The following DCAF8 variants were observed in gnomAD, a reference collection of about 807,000 sequenced individuals.
DCAF8 encodes DDB1 and CUL4 associated factor 8.
Under a neutral mutation model 68.0 loss-of-function variants are expected in DCAF8, and 20 were observed. That is an observed-to-expected ratio of 0.29 (90% CI 0.21 to 0.43). The LOEUF is 0.43. Ranked by LOEUF, DCAF8 falls within the 20% of genes least tolerant of loss-of-function variation. The pLI, the probability that DCAF8 is intolerant of heterozygous loss-of-function variation, is 1.00. For missense variants in DCAF8, 460 were observed against 771.0 expected (o/e 0.60, Z 4.78); for synonymous variants, 230 against 276.9 (o/e 0.83, Z 1.68).
At chr1:160,262,119 G>A (rs1657119973) in intron 1 of DCAF8, 4 of 386,108 alleles carry the variant, frequency 1.0e-5, no homozygotes, top group Non-Finnish European at 1.4e-5. Flanking sequence ...GGGCTGACCT[G>A]AGGAAAGGGC....
intron 6 of DCAF8, among the ~76,000 whole-genome samples, chr1:160,232,935 G>A (rs1417157555): frequency 2.0e-5 from 3 of 152,202 alleles, no homozygotes; most frequent in African/African-American, 2.4e-5. Context: ...TCCAGGTTAA[G>A]GGTGGCATGA....
chr1:160,231,253 C>T, intron 7 of DCAF8, 44 bp downstream of exon 7: 1 of 1,328,362 alleles, frequency 7.5e-7, no homozygotes, highest in African/African-American at 1.4e-5. Context: ...TACAATGCAT[C>T]AGTCTTACAA....
rs1007831148 is a variant in DCAF8, at chr1:160,225,452, G to A, written c.1143+139C>T. 7.5e-6 allele frequency: 5 copies of A among 666,166 alleles called. No homozygotes were observed. The African/African-American group carries it at 9.1e-5, about 12-fold the overall frequency. The allele number at this position is 666,166 out of a possible 1,614,324, so 41.3% of individuals were successfully genotyped here. A position where few individuals can be genotyped will look rare whatever the true frequency, so the allele number is the denominator to read the frequency against. ...AAGTGACTGCCAAGATCACAAAGCT[G>A]GTAAGTGGTAAAGCCAGGATTCAAA... On this transcript the variant is annotated intron_variant, in intron 8 of 13. Transcript: ENST00000368074.
intron 2 of DCAF8, among the ~76,000 whole-genome samples, chr1:160,257,952 C>T (rs1656904081): frequency 1.3e-5 from 2 of 152,142 alleles, no homozygotes; most frequent in Admixed American, 6.5e-5. Flanking sequence ...TGGACTTGAA[C>T]AACTAGGATC....
intron 2 of DCAF8, among the ~76,000 whole-genome samples, chr1:160,259,546 A>ACAAACAAT (rs1192336236): frequency 2.0e-5 from 3 of 151,022 alleles, no homozygotes; most frequent in African/African-American, 7.3e-5. Flanking sequence ...AAACAAACAA[A>ACAAACAAT]CAAAAAAAAC....
intron 3 of DCAF8, among the ~76,000 whole-genome samples, chr1:160,242,377 A>G (rs969393102): frequency 6.6e-6 from 1 of 152,212 alleles, no homozygotes; most frequent in Non-Finnish European, 1.5e-5. Context: ...ATATGCTACG[A>G]AAGTTTAGCA....
intron 8 of DCAF8, 61 bp from the exon 9 acceptor site, chr1:160,225,180 G>A (rs918216091): frequency 7.9e-6 from 12 of 1,526,912 alleles, no homozygotes; most frequent in Admixed American, 1.8e-5. Context: ...ACCATCTTCA[G>A]GAAACAGCTT....
At chr1:160,262,241 G>T (rs938029660) in intron 1 of DCAF8, 28 of 398,330 alleles carry the variant, frequency 7.0e-5, no homozygotes, top group Non-Finnish European at 9.7e-5. Flanking sequence ...GGGAAGCGAG[G>T]GGGGGCGCAG....
Position 160,239,700 on chromosome 1 carries a change from G to C in DCAF8, c.720C>G (p.Phe240Leu). The C allele has an allele frequency of 6.2e-7, 1 of 1,614,166 alleles. No individual in the cohort carries two copies. Among genetic ancestry groups the C allele is most frequent in the South Asian group, 1.1e-5 (1 of 91,084 alleles). ...DFESGHKSNV[F>L]QAKFLPNSGD... ...CTATTATGCTCCCTTGCCTCACCTGGAACACATTACTTTTGTGGCCACTCT... is the reference window on the plus strand; with the variant it reads ...CTATTATGCTCCCTTGCCTCACCTGCAACACATTACTTTTGTGGCCACTCT... Residue 240 changes from phenylalanine (F) to leucine (L), a missense_variant, in exon 4 of 14, where the codon TTC (phenylalanine) becomes TTG (leucine). Around this residue, in one of 8 missense-constraint regions of DCAF8, gnomAD observed 170 missense variants for 318.2 expected, o/e 0.53. Transcript: ENST00000368074.
intron 6 of DCAF8, among the ~76,000 whole-genome samples, chr1:160,235,623 A>G (rs938464443): frequency 6.6e-6 from 1 of 151,982 alleles, no homozygotes. Flanking sequence ...ACATACATAT[A>G]TGTTTATATA....
rs769320678 is a variant in DCAF8, at chr1:160,240,315, T to C, written c.105A>G (p.Thr35=). The C allele has an allele frequency of 6.2e-7, 1 of 1,613,718 alleles. No individual in the cohort carries two copies. The highest frequency in any genetic ancestry group is 1.3e-5 in the African/African-American group (1 of 74,912). The change falls in exon 4 of 14, where the codon ACA becomes ACG. Residue 35 remains threonine, a synonymous_variant. Coordinates refer to ENST00000368074, the MANE Select transcript of DCAF8 (RefSeq NM_015726.4). ...AGGCCTCCACTTCAATGCCTGAGGA[T>C]GTCTCCCTCCCCTCTTCAGCTCCAG... ...EMSGAEEGRE[T]SSGIEVEASD...
At chr1:160,226,996 T>C (rs1655499541) in intron 7 of DCAF8, among the ~76,000 whole-genome samples, 6 of 152,216 alleles carry the variant, frequency 3.9e-5, no homozygotes, top group Admixed American at 3.9e-4. Context: ...GAGAAGATTT[T>C]CCCTTCGCCC....
In DCAF8 at chr1:160,217,387, C is replaced by A. The variant is rs372951414; in HGVS notation, c.*205G>T. The A allele has an allele frequency of 1.4e-5, 7 of 495,458 alleles. No homozygotes were observed. The highest frequency in any genetic ancestry group is 1.8e-5 in the Non-Finnish European group (5 of 280,750). 30.7% of individuals were successfully genotyped at this position (495,458 alleles called of 1,614,324 possible). ...GAGTCCTATGCACCTCTCCATAGAGCCCCATTCCAGGGCTCAACTCCCATT... is the reference window on the plus strand; with the variant it reads ...GAGTCCTATGCACCTCTCCATAGAGACCCATTCCAGGGCTCAACTCCCATT... On this transcript the variant is annotated 3_prime_UTR_variant, in exon 14 of 14. Coordinates refer to ENST00000368074, the MANE Select transcript of DCAF8 (RefSeq NM_015726.4).
At chr1:160,236,474 T>C (rs76177337) in intron 6 of DCAF8, among the ~76,000 whole-genome samples, 2,382 of 151,786 alleles carry the variant, frequency 0.016, 57 homozygotes, top group African/African-American at 0.048. Context: ...TCACAGAAAC[T>C]ACTAGAGAGG....
chr1:160,248,966 C>CA (rs1341742996), intron 2 of DCAF8, among the ~76,000 whole-genome samples: 1 of 151,260 alleles, frequency 6.6e-6, no homozygotes, highest in Non-Finnish European at 1.5e-5. Context: ...CTGAGGCGGG[C>CA]AGATCACCTG....
At chr1:160,251,638 A>C (rs967563686) in intron 2 of DCAF8, among the ~76,000 whole-genome samples, 6 of 152,112 alleles carry the variant, frequency 3.9e-5, no homozygotes, top group Non-Finnish European at 8.8e-5. Context: ...ACACTCAGCT[A>C]AATTTTTTGT....
At chr1:160,219,120 G>A in intron 11 of DCAF8, 152 bp from the exon 12 acceptor site, 1 of 980,554 alleles carries the variant, frequency 1.0e-6, no homozygotes, top group South Asian at 1.7e-5. Context: ...CTAAGCCAAA[G>A]GGCACTGAGG....
At chr1:160,236,945 G>A (rs978952803) in intron 6 of DCAF8, among the ~76,000 whole-genome samples, 190 bp downstream of exon 6, 4 of 152,080 alleles carry the variant, frequency 2.6e-5, no homozygotes, top group Non-Finnish European at 5.9e-5. Context: ...GAGAAATGAA[G>A]GTAGACTGAA....
intron 2 of DCAF8, among the ~76,000 whole-genome samples, chr1:160,254,855 C>G (rs1302363914): frequency 2.0e-5 from 3 of 152,082 alleles, no homozygotes; most frequent in Non-Finnish European, 2.9e-5. Flanking sequence ...AAGAAAAGGG[C>G]TTTGGTGTCA....
Sources: allele counts gnomAD v4.1 joint callset (sites outside exome capture counted in the v4.1 genomes callset), GRCh38; gene constraint gnomAD v4.1.1; regional missense constraint gnomAD v4.1.1; transcripts MANE v1.5; gene names NCBI Gene and HGNC (gene_info 2026-07-23, HGNC 2026-07-21).